RRN3: variants seen among roughly 807,000 people sequenced by gnomAD.
RRN3 encodes the protein RNA polymerase I-specific transcription initiation factor RRN3.
RRN3 carries 38 observed loss-of-function variants against 82.3 expected under a neutral mutation model. The observed-to-expected ratio is 0.46, with a 90% CI of 0.36 to 0.61. RRN3 has a LOEUF of 0.61. Among genes scored for constraint, RRN3 ranks in the 20% least tolerant of loss-of-function variants. The pLI is 0.00. For synonymous variants in RRN3, 284 were observed against 284.3 expected, an observed-to-expected ratio of 1.00 and a Z score of 0.01; for missense variants, 726 against 793.1, an observed-to-expected ratio of 0.92 and a Z score of 1.02.
intron 3 of RRN3, among the ~76,000 whole-genome samples, chr16:15,089,866 G>A (rs2046061602): frequency 6.6e-6 from 1 of 150,966 alleles, no homozygotes; most frequent in Admixed American, 6.6e-5. Context: ...TTTAAGAAGT[G>A]GGTGGCCAAC....
chr16:15,093,979 C>G, intron 1 of RRN3, 166 bp downstream of exon 1: 1 of 674,548 alleles, frequency 1.5e-6, no homozygotes, highest in Non-Finnish European at 2.7e-6. Flanking sequence ...ATGTCTATTA[C>G]CCAGTTAGGA....
At chr16:15,090,520 G>A (rs889514348) in intron 3 of RRN3, among the ~76,000 whole-genome samples, 2 of 152,212 alleles carry the variant, frequency 1.3e-5, no homozygotes, top group African/African-American at 4.8e-5. Flanking sequence ...GATCATTTGA[G>A]GCCAGGAGTT....
chr16:15,075,042 G>C (rs1331654197), intron 10 of RRN3, among the ~76,000 whole-genome samples, 181 bp from the exon 11 acceptor site: 1 of 152,054 alleles, frequency 6.6e-6, no homozygotes, highest in East Asian at 1.9e-4. Flanking sequence ...TTGAGGTCAG[G>C]AGTTTGAGAC....
chr16:15,093,196 G>A (rs2046208738), intron 1 of RRN3, among the ~76,000 whole-genome samples: 3 of 152,134 alleles, frequency 2.0e-5, no homozygotes, highest in Admixed American at 6.6e-5. Context: ...GTAGAGACGA[G>A]GTTTCGCACG....
chr16:15,084,752 G>A (rs775307362), intron 6 of RRN3, 47 bp from the exon 7 acceptor site: 142 of 1,332,268 alleles, frequency 1.1e-4, no homozygotes, highest in Non-Finnish European at 1.3e-4. Context: ...CAAAACTGAA[G>A]GGCGACACGC....
rs2941256 is a variant in RRN3, at chr16:15,073,034, T to A, written c.1044A>T (p.Ile348=). 6.2e-7 allele frequency: 1 copy of A among 1,613,126 alleles called. No homozygotes were observed. The highest frequency in any genetic ancestry group is 1.7e-5 in the Admixed American group (1 of 59,798). ...GKTKDLYRDL[I]NIFDKLLLPT... Reference sequence around the variant, plus strand: ...GCAACAGGAGTTTGTCAAAGATGTTTATCAGGTCGCGATATAGATCCTTTG... The same window carrying A: ...GCAACAGGAGTTTGTCAAAGATGTTAATCAGGTCGCGATATAGATCCTTTG... Residue 348 remains isoleucine (I), a synonymous_variant, in exon 12 of 18, where the codon ATA becomes ATT. Coordinates refer to ENST00000198767, the MANE Select transcript of RRN3 (RefSeq NM_018427.5).
In RRN3 at chr16:15,094,259, G is replaced by T; in HGVS notation, c.-26C>A. On this transcript the variant is annotated 5_prime_UTR_variant, in exon 1 of 18. Transcript: ENST00000198767. ...TGGGCCGAACTAACGCGACCGCTGC[G>T]CCTCAGGCCGGATGCCCAGCTCCTT... The T allele has an allele frequency of 2.0e-6, 3 of 1,531,048 alleles. No individual in the cohort carries two copies. The South Asian group carries it at 3.6e-5, about 18-fold the overall frequency. 94.8% of individuals were successfully genotyped at this position (1,531,048 alleles called of 1,614,324 possible).
rs183277031 is a variant in RRN3 at position 15,069,952 on chromosome 16, G to A, written c.1444+118C>T. The A allele has an allele frequency of 3.2e-4, 461 of 1,451,540 alleles. 4 individuals carry two copies. In the East Asian group the frequency reaches 9.8e-3, roughly 31 times the overall value. 89.9% of individuals were successfully genotyped at this position (1,451,540 alleles called of 1,614,324 possible). The stretch of plus-strand genomic sequence containing the variant: ...TGAAATTATTATTAAAAGTTTGAGT[G>A]CACATGCAGTTTTCTGAATCCAGTT... On this transcript the variant is annotated intron_variant, in intron 14 of 17. Transcript: ENST00000198767.
At chr16:15,062,669 T>C (rs949498296) in intron 17 of RRN3, among the ~76,000 whole-genome samples, 1 of 152,208 alleles carries the variant, frequency 6.6e-6, no homozygotes, top group Non-Finnish European at 1.5e-5. Flanking sequence ...CTGGAGATTG[T>C]TACTTGGTAA....
rs1189838012 is a variant in RRN3 at position 15,060,974 on chromosome 16, AACTC to A, written c.*766_*769del. 3 of 152,254 alleles carry A rather than the reference AACTC, an allele frequency of 2.0e-5. No homozygotes were observed. Among genetic ancestry groups the A allele is most frequent in the Admixed American group, 6.5e-5 (1 of 15,288 alleles). The allele number at this position is 152,254 out of a possible 1,614,324, so 9.4% of individuals were successfully genotyped here. A position where few individuals can be genotyped will look rare whatever the true frequency, so the allele number is the denominator to read the frequency against. ...ATCTCATGTGTTTTACACAAGCCCG[AACTC>A]ACTTTCAGTCTGTGTGAATTACATC... On this transcript the variant is annotated 3_prime_UTR_variant, in exon 18 of 18. Coordinates refer to ENST00000198767, the MANE Select transcript of RRN3 (RefSeq NM_018427.5).
At chr16:15,067,838 T>A (rs1291846590) in intron 15 of RRN3, among the ~76,000 whole-genome samples, 1 of 152,104 alleles carries the variant, frequency 6.6e-6, no homozygotes, top group East Asian at 1.9e-4. Context: ...GCTCACTGCA[T>A]CCTTGACTTC....
chr16:15,063,257 T>A lies in RRN3; in HGVS notation c.1733A>T (p.Tyr578Phe). ...AGCACTCATGTCTTCCCACACCTGA[T>A]AAATAGGATCAATGAATTTCTTTGA... ...KRSKKFIDPI[Y>F]QVWEDMSAEE... is the part of the protein sequence containing the mutation. The change falls in exon 17 of 18, where the codon TAT becomes TTT. Residue 578 changes from tyrosine to phenylalanine, a missense_variant. By Grantham distance (22) the Tyr-to-Phe change is conservative. This residue lies in a region of RRN3 where 166 missense variants were observed against 154.8 expected (regional missense o/e 1.07). Coordinates refer to ENST00000198767, the MANE Select transcript of RRN3 (RefSeq NM_018427.5). The A allele has an allele frequency of 3.1e-6, 5 of 1,613,464 alleles. No individual in the cohort carries two copies. The highest frequency in any genetic ancestry group is 4.2e-6 in the Non-Finnish European group (5 of 1,179,394).
chr16:15,088,225 C>T (rs1239070884), intron 3 of RRN3, among the ~76,000 whole-genome samples: 3 of 152,114 alleles, frequency 2.0e-5, no homozygotes, highest in Admixed American at 2.0e-4. Context: ...GTAATCCCAG[C>T]ACTTTTGGGA....
chr16:15,074,516 G>C (rs1204708378), intron 11 of RRN3, among the ~76,000 whole-genome samples: 3 of 152,286 alleles, frequency 2.0e-5, no homozygotes, highest in African/African-American at 7.2e-5. Flanking sequence ...AAAGACAGAA[G>C]ACAAATATAA....
At chr16:15,081,782 T>G (rs1339203276) in intron 8 of RRN3, among the ~76,000 whole-genome samples, 1 of 152,240 alleles carries the variant, frequency 6.6e-6, no homozygotes, top group Non-Finnish European at 1.5e-5. Flanking sequence ...CGTTTTCTTC[T>G]CAGAGTTTTA....
intron 9 of RRN3, among the ~76,000 whole-genome samples, chr16:15,079,656 G>A (rs1425807242): frequency 1.3e-5 from 2 of 151,118 alleles, no homozygotes; most frequent in Admixed American, 6.6e-5. Flanking sequence ...GCAGTGGCAC[G>A]ATCTCAGCTC....
chr16:15,077,188 A>C (rs2045495974), intron 9 of RRN3, among the ~76,000 whole-genome samples: 2 of 151,888 alleles, frequency 1.3e-5, no homozygotes, highest in South Asian at 4.2e-4. Flanking sequence ...CATGTTAGTC[A>C]GGCTGGTCTC....
At chr16:15,072,338 T>C (rs967756913) in intron 12 of RRN3, among the ~76,000 whole-genome samples, 4 of 151,902 alleles carry the variant, frequency 2.6e-5, no homozygotes, top group Non-Finnish European at 5.9e-5. Flanking sequence ...TAGTTACAAC[T>C]CAACCCTTGG....
At chr16:15,076,317 A>C in intron 10 of RRN3, 1 of 596,454 alleles carries the variant, frequency 1.7e-6, no homozygotes, top group East Asian at 2.7e-5. Context: ...CAAACACTGA[A>C]AGTTACAAGA....
Sources: allele counts gnomAD v4.1 joint callset (sites outside exome capture counted in the v4.1 genomes callset), GRCh38; gene constraint gnomAD v4.1.1; regional missense constraint gnomAD v4.1.1; transcripts MANE v1.5; gene names NCBI Gene and HGNC (gene_info 2026-07-23, HGNC 2026-07-21).